The following TGM3 variants were observed in gnomAD, a reference collection of about 807,000 sequenced individuals.
The protein encoded by TGM3 is transglutaminase 3.
In TGM3, 52 loss-of-function variants were observed where a neutral mutation model predicts 73.8. The observed-to-expected ratio is 0.70, with a 90% CI of 0.56 to 0.89. The LOEUF (loss-of-function observed/expected upper bound fraction) is 0.89. Among genes scored for constraint, TGM3 ranks in the 40% least tolerant of loss-of-function variants. TGM3 has a pLI of 0.00. For missense variants in TGM3, 928 were observed against 909.9 expected (o/e 1.02, Z -0.26); for synonymous variants, 372 against 354.9 (o/e 1.05, Z -0.54).
chr20:2,340,543 G>T lies in TGM3; in HGVS notation c.2044G>T (p.Ala682Ser). ...LADFSCNKFP[A>S]IKAMLSIDVA... The stretch of plus-strand genomic sequence containing the variant: ...CGACTTCTCCTGCAACAAGTTCCCT[G>T]CAATCAAGGCCATGTTGTCCATCGA... Residue 682 changes from alanine (A) to serine (S), a missense_variant, in exon 13 of 13, where the codon GCA becomes TCA. Physicochemically the swap from Ala to Ser is moderately conservative, Grantham distance 99 (BLOSUM62 1). Transcript: ENST00000381458. 6.2e-7 allele frequency: 1 copy of T among 1,614,172 alleles called. No homozygotes were observed. Among genetic ancestry groups the T allele is most frequent in the Non-Finnish European group, 8.5e-7 (1 of 1,180,026 alleles).
Position 2,340,733 on chromosome 20 carries a change from C to T in TGM3, c.*152C>T, listed in dbSNP as rs2084377517. On this transcript the variant is annotated 3_prime_UTR_variant, in exon 13 of 13. Transcript: ENST00000381458. ...TGGACCTCCAGGCTCCAGCACATCC[C>T]CCTCTCCTCTCCCCCAGGTTGGGGC... 9.1e-6 allele frequency: 9 copies of T among 985,308 alleles called. No individual in the cohort carries two copies. The East Asian group carries it at 1.3e-4, about 14-fold the overall frequency. The allele number at this position is 985,308 out of a possible 1,614,324, so 61.0% of individuals were successfully genotyped here. A position where few individuals can be genotyped will look rare whatever the true frequency, so the allele number is the denominator to read the frequency against.
At chr20:2,312,170 C>T (rs571695138) in intron 4 of TGM3, among the ~76,000 whole-genome samples, 4 of 152,040 alleles carry the variant, frequency 2.6e-5, no homozygotes, top group South Asian at 4.2e-4. Flanking sequence ...GAGGCTGAGG[C>T]GGGTGGATCA....
chr20:2,332,131 A>G lies in TGM3; in HGVS notation c.1463A>G (p.Lys488Arg), dbSNP rs368266240. 6.8e-6 allele frequency: 11 copies of G among 1,614,232 alleles called. No homozygotes were observed. ...GAGCCCAGCATCATCGGGAAGCTGA[A>G]GGTCGCTGGCATGCTGGCAGTAGGC... ...EQEPSIIGKLKVAGMLAVGKE... is the reference protein window; with the variant it reads ...EQEPSIIGKLRVAGMLAVGKE... Residue 488 changes from lysine (K) to arginine (R), a missense_variant, in exon 10 of 13, where the codon AAG (lysine) becomes AGG (arginine). By Grantham distance (26) the Lys-to-Arg change is conservative. Transcript: ENST00000381458. The surrounding 1 kb of genome is among the most constrained non-coding windows in gnomAD (Gnocchi z 4.4).
chr20:2,335,964 T>C (rs1287290754), intron 11 of TGM3, among the ~76,000 whole-genome samples: 1 of 152,204 alleles, frequency 6.6e-6, no homozygotes, highest in Non-Finnish European at 1.5e-5. Flanking sequence ...CCCATGCCCC[T>C]CCAAGGCGTC....
rs746070685 is a variant in TGM3, at chr20:2,317,479, G to C, written c.977G>C (p.Ser326Thr). 1.4e-5 allele frequency: 23 copies of C among 1,614,106 alleles called. No individual in the cohort carries two copies. Among genetic ancestry groups the C allele is most frequent in the Non-Finnish European group, 1.9e-5 (23 of 1,180,044 alleles). The change falls in exon 7 of 13, where the codon AGC (serine) becomes ACC (threonine). Residue 326 changes from serine (S) to threonine (T), a missense_variant. Physicochemically the swap from Ser to Thr is moderately conservative, Grantham distance 58. Coordinates refer to ENST00000381458, the MANE Select transcript of TGM3 (RefSeq NM_003245.4). ...AACCCCCTGGACAAGGGTAGTGATA[G>C]CGTATGGTAAGTATCTCACCTTTTC... ...MGNPLDKGSDSVWNFHVWNEG... is the reference protein window; with the variant it reads ...MGNPLDKGSDTVWNFHVWNEG...
rs2084223729 is a variant in TGM3, at chr20:2,314,567, AC to A, written c.669+1542del. Among the ~76,000 whole-genome samples the A allele has an allele frequency of 2.3e-5, 3 of 133,000 alleles. No homozygotes were observed. The South Asian group carries it at 8.2e-4, about 36-fold the overall frequency. 87.3% of individuals were successfully genotyped at this position (133,000 alleles called of 152,430 possible). A position where few individuals can be genotyped will look rare whatever the true frequency, so the allele number is the denominator to read the frequency against. On this transcript the variant is annotated intron_variant, in intron 5 of 12. Transcript: ENST00000381458. Reference sequence around the variant, plus strand: ...CACACACACACACACACACACACACACACAGGAGCCAGGCATCGTGACACAT... The same window carrying A: ...CACACACACACACACACACACACACAACAGGAGCCAGGCATCGTGACACAT...
In TGM3 at chr20:2,334,183, T is replaced by C. The variant is rs778185197; in HGVS notation, c.1643-933T>C. Among the ~76,000 whole-genome samples, 7 of 152,080 alleles carry C rather than the reference T, an allele frequency of 4.6e-5. No homozygotes were observed. Among genetic ancestry groups the C allele is most frequent in the African/African-American group, 9.7e-5 (4 of 41,406 alleles). On this transcript the variant is annotated intron_variant, in intron 10 of 12. Coordinates refer to ENST00000381458, the MANE Select transcript of TGM3 (RefSeq NM_003245.4). The surrounding 1 kb of genome is among the most constrained non-coding windows in gnomAD (Gnocchi z 4.0). ...GCATGGAGAGAAGCCAGGGGAGGCA[T>C]TTCCATCTGGGGGAACCATGTGAGT...
At chr20:2,326,655 C>T (rs1386348578) in intron 8 of TGM3, among the ~76,000 whole-genome samples, 2 of 152,120 alleles carry the variant, frequency 1.3e-5, no homozygotes, top group African/African-American at 4.8e-5. Flanking sequence ...TCAAGACCAG[C>T]CTGACCAACA....
chr20:2,338,099 G>C (rs1199732577), intron 11 of TGM3, among the ~76,000 whole-genome samples: 1 of 152,122 alleles, frequency 6.6e-6, no homozygotes. Flanking sequence ...TGGAGAAGGT[G>C]ATCTGTATGA....
intron 11 of TGM3, among the ~76,000 whole-genome samples, chr20:2,339,549 G>A (rs1600711804): frequency 6.6e-6 from 1 of 152,178 alleles, no homozygotes; most frequent in Non-Finnish European, 1.5e-5. Context: ...CTGGGAAGCA[G>A]GGTCTGAACT....
intron 1 of TGM3, among the ~76,000 whole-genome samples, chr20:2,308,578 C>T (rs558306128): frequency 3.9e-5 from 6 of 152,290 alleles, no homozygotes; most frequent in Admixed American, 2.0e-4. Flanking sequence ...TCATTCATGG[C>T]CTTTGACCTG....
chr20:2,301,740 G>C (rs552567465), intron 1 of TGM3, among the ~76,000 whole-genome samples: 2 of 151,118 alleles, frequency 1.3e-5, no homozygotes, highest in Non-Finnish European at 2.9e-5. Context: ...TCCCTCTGTC[G>C]CCCAGGCAGG....
At chr20:2,311,361 A>G (rs572665565) in intron 4 of TGM3, among the ~76,000 whole-genome samples, 1 of 152,320 alleles carries the variant, frequency 6.6e-6, no homozygotes, top group Non-Finnish European at 1.5e-5. Context: ...GTTGCAATCT[A>G]GTGGGCAAGA....
At chr20:2,296,523 A>C (rs1490701469) in intron 1 of TGM3, among the ~76,000 whole-genome samples, 1 of 152,114 alleles carries the variant, frequency 6.6e-6, no homozygotes, top group Non-Finnish European at 1.5e-5. Context: ...GGTAACATGT[A>C]AGTTGATTTG....
chr20:2,301,862 G>A (rs1056507881), intron 1 of TGM3, among the ~76,000 whole-genome samples: 6 of 152,074 alleles, frequency 3.9e-5, no homozygotes, highest in Admixed American at 2.6e-4. Context: ...CACCACGTCC[G>A]GCTAATTTTT....
chr20:2,309,821 G>T lies in TGM3; in HGVS notation c.172G>T (p.Val58Phe), dbSNP rs148997398. Reference protein sequence around the residue: ...LGSNERLEFIVSTGPYPSESA... With the variant: ...LGSNERLEFIFSTGPYPSESA... ...CTCTAACGAAAGACTGGAGTTCATT[G>T]TCTCCACAGGTACCTGCTCATTCCC... Residue 58 changes from valine (V) to phenylalanine (F), a missense_variant, in exon 2 of 13, where the codon GTC becomes TTC. Transcript: ENST00000381458. 6.2e-7 allele frequency: 1 copy of T among 1,614,188 alleles called. No individual in the cohort carries two copies. Among genetic ancestry groups the T allele is most frequent in the Non-Finnish European group, 8.5e-7 (1 of 1,180,012 alleles).
chr20:2,307,776 C>T (rs559840443), intron 1 of TGM3, among the ~76,000 whole-genome samples: 1 of 152,138 alleles, frequency 6.6e-6, no homozygotes, highest in Non-Finnish European at 1.5e-5. Context: ...ACTTCATATT[C>T]ACTTTTCCTT....
At chr20:2,329,175 C>T (rs1466416411) in intron 9 of TGM3, among the ~76,000 whole-genome samples, 2 of 152,220 alleles carry the variant, frequency 1.3e-5, no homozygotes, top group Non-Finnish European at 2.9e-5. Context: ...TTTGAAATTG[C>T]TCATTCCATT....
chr20:2,297,524 T>C (rs1568619311), intron 1 of TGM3, among the ~76,000 whole-genome samples: 1 of 152,220 alleles, frequency 6.6e-6, no homozygotes, highest in Non-Finnish European at 1.5e-5. Context: ...CCCATCCCTG[T>C]GCAGGACCTC....
Sources: allele counts gnomAD v4.1 joint callset (sites outside exome capture counted in the v4.1 genomes callset), GRCh38; gene constraint gnomAD v4.1.1; non-coding constraint Gnocchi (gnomAD v3.1); transcripts MANE v1.5; gene names NCBI Gene and HGNC (gene_info 2026-07-23, HGNC 2026-07-21).